STARD8: variants seen among roughly 807,000 people sequenced by gnomAD.
The protein encoded by STARD8 is StAR related lipid transfer domain containing 8.
Under a neutral mutation model 69.4 loss-of-function variants are expected in STARD8, and 25 were observed. The ratio of observed to expected loss-of-function variants is 0.36; its 90% CI spans 0.26 to 0.50. The LOEUF is 0.50. Ranked by LOEUF, STARD8 falls within the 20% of genes least tolerant of loss-of-function variation. The pLI is 0.96. For missense variants in STARD8, 921 were observed against 932.5 expected, an observed-to-expected ratio of 0.99 and a Z score of 0.16; for synonymous variants, 389 against 374.6, an observed-to-expected ratio of 1.04 and a Z score of -0.45.
intron 2 of STARD8, among the ~76,000 whole-genome samples, chrX:68,666,420 A>T (rs1036887581): frequency 8.9e-6 from 1 of 112,281 alleles, no homozygotes; most frequent in African/African-American, 3.2e-5. Flanking sequence ...ACAGAAAGGC[A>T]TCTATTAACA....
At chrX:68,687,706 A>G (rs1304621009) in intron 2 of STARD8, among the ~76,000 whole-genome samples, 6 of 112,335 alleles carry the variant, frequency 5.3e-5, no homozygotes, top group Non-Finnish European at 1.1e-4. Flanking sequence ...AACAAAGTAG[A>G]AGCCAGAGTG....
chrX:68,689,504 C>T (rs954100467), intron 2 of STARD8, among the ~76,000 whole-genome samples: 4 of 112,409 alleles, frequency 3.6e-5, no homozygotes, highest in African/African-American at 1.3e-4. Context: ...ATGACAGGTC[C>T]CCGCGTATCT....
At chrX:68,688,916 C>G (rs142927127) in intron 2 of STARD8, among the ~76,000 whole-genome samples, 5,683 of 103,862 alleles carry the variant, frequency 0.055, 175 homozygotes, top group African/African-American at 0.14. Flanking sequence ...ACACACAGAG[C>G]AGCTCACAGA....
chrX:68,649,039 G>A (rs1259238491), intron 1 of STARD8, among the ~76,000 whole-genome samples: 1 of 112,223 alleles, frequency 8.9e-6, no homozygotes, highest in Non-Finnish European at 1.9e-5. Context: ...TTGACGCTGT[G>A]TGGTTTCCCA....
At chrX:68,693,425 TCA>T (rs2079891557) in intron 2 of STARD8, among the ~76,000 whole-genome samples, 1 of 112,746 alleles carries the variant, frequency 8.9e-6, no homozygotes, top group Non-Finnish European at 1.9e-5. Context: ...TGCTTGAGCC[TCA>T]GTCTTTGGGC....
At chrX:68,693,675 C>T in intron 2 of STARD8, 1 of 755,074 alleles carries the variant, frequency 1.3e-6, no homozygotes, top group Non-Finnish European at 1.6e-6. Flanking sequence ...GGCTAAGCAG[C>T]CGCGGCAGCT....
chrX:68,704,856 G>A (rs759315555), intron 2 of STARD8, among the ~76,000 whole-genome samples: 5 of 111,762 alleles, frequency 4.5e-5, no homozygotes, highest in African/African-American at 1.6e-4. Flanking sequence ...AGGAGATGTG[G>A]AAACTGAGGT....
chrX:68,718,392 C>T lies in STARD8; in HGVS notation c.1478C>T (p.Pro493Leu), dbSNP rs372956816. Residue 493 changes from proline (P) to leucine (L), a missense_variant, in exon 6 of 15, where the codon CCA becomes CTA. Transcript: ENST00000374599. ...CCGGCCCCAGCCCCGGCCCCGGCCC[C>T]AGCCCAGGACAGTGAGCAGGAGGCA... ...EAPAPAPAPA[P>L]AQDSEQEAHS... 4 of 1,208,241 alleles carry T rather than the reference C, an allele frequency of 3.3e-6. No individual in the cohort carries two copies. Among genetic ancestry groups the T allele is most frequent in the Non-Finnish European group, 4.5e-6 (4 of 893,801 alleles).
rs372522625 is a variant in STARD8 at position 68,718,073 on chromosome X, C to T, written c.1159C>T (p.His387Tyr). The T allele has an allele frequency of 9.9e-6, 12 of 1,209,555 alleles. No homozygotes were observed. The highest frequency in any genetic ancestry group is 1.2e-5 in the Non-Finnish European group (11 of 895,019). Residue 387 changes from histidine to tyrosine, a missense_variant, in exon 6 of 15, where the codon CAC (histidine) becomes TAC (tyrosine). His to Tyr is a moderately conservative substitution (Grantham distance 83). Coordinates refer to ENST00000374599, the MANE Select transcript of STARD8 (RefSeq NM_001142503.3). ...TGAGGAGAGTGGGGGCAGCTATGCT[C>T]ACCTAGACGACATCCTCCAGCACGT... ...DDEESGGSYAHLDDILQHVWG... is the reference protein window; with the variant it reads ...DDEESGGSYAYLDDILQHVWG...
chrX:68,722,219 G>T (rs2080156265), intron 11 of STARD8, 58 bp downstream of exon 11: 3 of 1,055,754 alleles, frequency 2.8e-6, no homozygotes, highest in Non-Finnish European at 3.9e-6. Context: ...CATCAGGCCT[G>T]ACCTCGGTGC....
At chrX:68,687,441 C>G (rs1310661136) in intron 2 of STARD8, among the ~76,000 whole-genome samples, 2 of 112,251 alleles carry the variant, frequency 1.8e-5, no homozygotes, top group Non-Finnish European at 3.8e-5. Context: ...TCAAACAACC[C>G]TCCCTCCTCA....
At chrX:68,652,957 CA>C (rs1172348127) in intron 1 of STARD8, among the ~76,000 whole-genome samples, 1 of 72,180 alleles carries the variant, frequency 1.4e-5, no homozygotes, top group Non-Finnish European at 2.7e-5. Flanking sequence ...CCACACCACA[CA>C]CACACACCAC....
At position 68,721,668 on chromosome X, in the gene STARD8, C is replaced by T. The variant is rs1294580868; in HGVS notation, c.2381C>T (p.Thr794Ile). ...GCCTCTGCCGAGGAAAACCAGATGA[C>T]AGCAGGCAACCTGGCAGTGTGCCTG... The part of the protein sequence containing the change: ...DIASAEENQM[T>I]AGNLAVCLAP... The change falls in exon 10 of 15, where the codon ACA (threonine) becomes ATA (isoleucine). Residue 794 changes from threonine to isoleucine, a missense_variant. Transcript: ENST00000374599. 1.7e-6 allele frequency: 2 copies of T among 1,210,964 alleles called. No homozygotes were observed. Among genetic ancestry groups the T allele is most frequent in the South Asian group, 1.8e-5 (1 of 56,865 alleles).
intron 2 of STARD8, among the ~76,000 whole-genome samples, chrX:68,674,584 G>GCATC (rs927454507): frequency 1.8e-5 from 2 of 110,824 alleles, no homozygotes; most frequent in East Asian, 2.8e-4. Context: ...CTCCATTCAT[G>GCATC]CATCCATCCA....
At chrX:68,705,950 A>G (rs955922291) in intron 2 of STARD8, among the ~76,000 whole-genome samples, 12 of 112,512 alleles carry the variant, frequency 1.1e-4, no homozygotes, top group Middle Eastern at 4.2e-3. Flanking sequence ...GTAGAACCAC[A>G]CACCTGAACC....
chrX:68,713,378 A>C (rs760470510), intron 3 of STARD8, among the ~76,000 whole-genome samples: 12 of 110,930 alleles, frequency 1.1e-4, no homozygotes, highest in Non-Finnish European at 2.1e-4. Context: ...GTTTTCCTTC[A>C]TTTCTCTTTC....
At chrX:68,722,193 C>A (rs1366863757) in intron 11 of STARD8, 32 bp downstream of exon 11, 1 of 1,142,841 alleles carries the variant, frequency 8.8e-7, no homozygotes, top group Non-Finnish European at 1.2e-6. Flanking sequence ...CACCTACTTA[C>A]CAGACCTGGG....
At chrX:68,709,862 A>G (rs766257681) in intron 2 of STARD8, among the ~76,000 whole-genome samples, 1 of 110,938 alleles carries the variant, frequency 9.0e-6, no homozygotes, top group Non-Finnish European at 1.9e-5. Flanking sequence ...AAAATAAAAT[A>G]AAAATAGAAA....
chrX:68,683,740 G>A (rs2079813902), intron 2 of STARD8, among the ~76,000 whole-genome samples: 1 of 112,643 alleles, frequency 8.9e-6, no homozygotes, highest in South Asian at 3.6e-4. Context: ...TACATCATCA[G>A]CCCCCCAAGG....
Sources: gnomAD v4.1 joint callset for allele counts (sites outside exome capture counted in the v4.1 genomes callset) on GRCh38, gnomAD v4.1.1 for gene constraint, MANE v1.5 for transcripts, NCBI Gene and HGNC (gene_info 2026-07-23, HGNC 2026-07-21) for gene names.